Variants in CAMK2B observed in about 807,000 individuals in gnomAD.
CAMK2B encodes calcium/calmodulin dependent protein kinase II beta.
In CAMK2B, 27 loss-of-function variants were observed where a neutral mutation model predicts 93.7. The ratio of observed to expected loss-of-function variants is 0.29; its 90% CI spans 0.21 to 0.40. CAMK2B has a LOEUF of 0.40. Ranked by LOEUF, CAMK2B falls within the 10% of genes least tolerant of loss-of-function variation. CAMK2B has a pLI of 1.00. For missense variants in CAMK2B, 568 were observed against 895.8 expected, an observed-to-expected ratio of 0.63 and a Z score of 4.67; for synonymous variants, 374 against 358.8, an observed-to-expected ratio of 1.04 and a Z score of -0.48.
At chr7:44,237,928 T>G (rs1267325836) in intron 13 of CAMK2B, among the ~76,000 whole-genome samples, 1 of 152,198 alleles carries the variant, frequency 6.6e-6, no homozygotes, top group Non-Finnish European at 1.5e-5. Context: ...GGGTCTCCTA[T>G]GCCCTTACAC....
chr7:44,232,844 T>C lies in CAMK2B; in HGVS notation c.1154A>G (p.His385Arg), dbSNP rs1191559981. Residue 385 changes from histidine (H) to arginine (R), a missense_variant, in exon 16 of 24, where the codon CAT becomes CGT. This residue lies in a region of CAMK2B where 308 missense variants were observed against 292.1 expected (regional missense o/e 1.05). Transcript: ENST00000395749. ...AALEPQTTVI[H>R]NPVDGIKESS... ...TACCTTAATCCCGTCCACTGGGTTA[T>C]GGATGACGGTGGTTTGAGGCTCCTA... 2.4e-5 allele frequency: 39 copies of C among 1,613,812 alleles called. No individual in the cohort carries two copies. The highest frequency in any genetic ancestry group is 3.2e-5 in the Non-Finnish European group (38 of 1,179,940).
rs1258882969 is a variant in CAMK2B at position 44,219,191 on chromosome 7, G to A, written c.*334C>T. On this transcript the variant is annotated 3_prime_UTR_variant, in exon 24 of 24. Coordinates refer to ENST00000395749, the MANE Select transcript of CAMK2B (RefSeq NM_001220.5). ...TCCCAGCTGGTCCCCCAGAGGCCAG[G>A]AGCACAGACGGACACACGTGGAGCT... The A allele has an allele frequency of 1.3e-5, 2 of 152,152 alleles. No homozygotes were observed. Among genetic ancestry groups the A allele is most frequent in the Admixed American group, 1.3e-4 (2 of 15,276 alleles). The allele number at this position is 152,152 out of a possible 1,614,324, so 9.4% of individuals were successfully genotyped here.
intron 3 of CAMK2B, among the ~76,000 whole-genome samples, chr7:44,262,322 C>T (rs2096885491): frequency 6.6e-6 from 1 of 152,186 alleles, no homozygotes; most frequent in African/African-American, 2.4e-5. Context: ...GCTGCCGTCC[C>T]TAGGGCGTTT....
In CAMK2B at chr7:44,225,045, C is replaced by A. The variant is rs993436658; in HGVS notation, c.1597+1471G>T. On this transcript the variant is annotated intron_variant, in intron 20 of 23. Transcript: ENST00000395749. This position sits in a 1 kb window ranked among gnomAD's most constrained non-coding sequence, Gnocchi z 5.0. Reference sequence around the variant, plus strand: ...TTCCTGCAGCCCCCTCCTCCCCAGCCAAGCTCAGGGAAGACTCTGGAAGGG... The same window carrying A: ...TTCCTGCAGCCCCCTCCTCCCCAGCAAAGCTCAGGGAAGACTCTGGAAGGG... 6.6e-6 allele frequency among the ~76,000 whole-genome samples: 1 copy of A among 152,116 alleles called. No homozygotes were observed. The highest frequency in any genetic ancestry group is 2.4e-5 in the African/African-American group (1 of 41,414).
rs1444920002 is a variant in CAMK2B at position 44,311,263 on chromosome 7, A to T, written c.65+14094T>A. Reference sequence around the variant, plus strand: ...GCACATTTTTGTATTTTTAGTAGACATGGGGTTTCACCATGTTGGCCAGGC... The same window carrying T: ...GCACATTTTTGTATTTTTAGTAGACTTGGGGTTTCACCATGTTGGCCAGGC... On this transcript the variant is annotated intron_variant, in intron 1 of 23. Coordinates refer to ENST00000395749, the MANE Select transcript of CAMK2B (RefSeq NM_001220.5). This position sits in a 1 kb window ranked among gnomAD's most constrained non-coding sequence, Gnocchi z 4.2. 6.6e-6 allele frequency among the ~76,000 whole-genome samples: 1 copy of T among 152,204 alleles called. No homozygotes were observed. The highest frequency in any genetic ancestry group is 2.4e-5 in the African/African-American group (1 of 41,522).
At position 44,229,337 on chromosome 7, in the gene CAMK2B, T is replaced by G. The variant is rs1031898548; in HGVS notation, c.1339+51A>C. 59 of 1,302,040 alleles carry G rather than the reference T, an allele frequency of 4.5e-5. 1 individual carries two copies. The Admixed American group carries it at 1.3e-3, about 30-fold the overall frequency. 80.7% of individuals were successfully genotyped at this position (1,302,040 alleles called of 1,614,324 possible). A position where few individuals can be genotyped will look rare whatever the true frequency, so the allele number is the denominator to read the frequency against. On this transcript the variant is annotated intron_variant, in intron 18 of 23. Coordinates refer to ENST00000395749, the MANE Select transcript of CAMK2B (RefSeq NM_001220.5). Reference sequence around the variant, plus strand: ...GCTCTGGAGTGGCCCCTCTAGGGGGTTGCCAGCCCTCCAACATGACCCCCA... The same window carrying G: ...GCTCTGGAGTGGCCCCTCTAGGGGGGTGCCAGCCCTCCAACATGACCCCCA...
In CAMK2B at chr7:44,286,021, T is replaced by C. The variant is rs1489393357; in HGVS notation, c.66-1796A>G. 6.6e-6 allele frequency among the ~76,000 whole-genome samples: 1 copy of C among 152,134 alleles called. No homozygotes were observed. Among genetic ancestry groups the C allele is most frequent in the Non-Finnish European group, 1.5e-5 (1 of 68,010 alleles). On this transcript the variant is annotated intron_variant, in intron 1 of 23. Transcript: ENST00000395749. This position sits in a 1 kb window ranked among gnomAD's most constrained non-coding sequence, Gnocchi z 4.0. ...AGAAAGGATTATTATTTTTAACATA[T>C]GACATTAACTTGGGAGACTGAGGTG...
intron 5 of CAMK2B, among the ~76,000 whole-genome samples, chr7:44,249,761 A>C (rs1361171833): frequency 2.0e-5 from 3 of 152,094 alleles, no homozygotes; most frequent in Non-Finnish European, 4.4e-5. Context: ...AACCTTCCTC[A>C]TCGACCTTCT....
chr7:44,234,807 C>T, intron 13 of CAMK2B, 131 bp from the exon 14 acceptor site: 1 of 955,216 alleles, frequency 1.0e-6, no homozygotes, highest in Admixed American at 2.0e-5. Context: ...AGTGTGGTTC[C>T]AGCACCCAGG....
At chr7:44,291,706 G>C (rs1224163762) in intron 1 of CAMK2B, among the ~76,000 whole-genome samples, 1 of 152,228 alleles carries the variant, frequency 6.6e-6, no homozygotes, top group Admixed American at 6.5e-5. Context: ...ACTGATAGCT[G>C]GGTGCTTCCT....
chr7:44,256,241 C>T (rs746829518), intron 4 of CAMK2B, among the ~76,000 whole-genome samples: 1 of 152,242 alleles, frequency 6.6e-6, no homozygotes, highest in Non-Finnish European at 1.5e-5. Context: ...TGGCCGGGCT[C>T]CTGAGCTTGG....
chr7:44,318,183 T>C (rs1442821839), intron 1 of CAMK2B, among the ~76,000 whole-genome samples: 1 of 152,196 alleles, frequency 6.6e-6, no homozygotes, highest in Non-Finnish European at 1.5e-5. Flanking sequence ...CAAGAAGTCA[T>C]GTGAACAACC....
chr7:44,319,600 C>T (rs1337119798), intron 1 of CAMK2B, among the ~76,000 whole-genome samples: 1 of 152,186 alleles, frequency 6.6e-6, no homozygotes, highest in East Asian at 1.9e-4. Context: ...TTGCACCCAC[C>T]TCCACAGGCC....
At chr7:44,237,868 G>A (rs766781373) in intron 13 of CAMK2B, among the ~76,000 whole-genome samples, 3 of 152,170 alleles carry the variant, frequency 2.0e-5, no homozygotes, top group African/African-American at 2.4e-5. Flanking sequence ...GCCCATTCCC[G>A]GGTCTCCAGG....
rs1022275868 is a variant in CAMK2B, at chr7:44,234,742, A to C, written c.1022-66T>G. 1.5e-5 allele frequency: 23 copies of C among 1,533,594 alleles called. No individual in the cohort carries two copies. In the East Asian group the frequency reaches 2.7e-4, roughly 18 times the overall value. 95.0% of individuals were successfully genotyped at this position (1,533,594 alleles called of 1,614,324 possible). ...CTGGGTCTCGCTGCAGCGCAACCCC[A>C]CCCCTTTGCCTGACCCCACTCTTTC... On this transcript the variant is annotated intron_variant, in intron 13 of 23. Coordinates refer to ENST00000395749, the MANE Select transcript of CAMK2B (RefSeq NM_001220.5).
chr7:44,324,823 A>C (rs1234923628), intron 1 of CAMK2B, among the ~76,000 whole-genome samples: 1 of 152,144 alleles, frequency 6.6e-6, no homozygotes, highest in African/African-American at 2.4e-5. Flanking sequence ...CCTACAGCAG[A>C]GGCTCTCCCA....
At position 44,232,816 on chromosome 7, in the gene CAMK2B, C is replaced by T. The variant is rs537660982; in HGVS notation, c.1176+6G>A. On this transcript the variant is annotated splice_donor_region_variant and intron_variant, in intron 16 of 23. Coordinates refer to ENST00000395749, the MANE Select transcript of CAMK2B (RefSeq NM_001220.5). ...GGAAAGCGGGAGGAGGAAAGTGGGGCAGTACCTTAATCCCGTCCACTGGGT... is the reference window on the plus strand; with the variant it reads ...GGAAAGCGGGAGGAGGAAAGTGGGGTAGTACCTTAATCCCGTCCACTGGGT... 273 of 1,613,854 alleles carry T rather than the reference C, an allele frequency of 1.7e-4. No individual in the cohort carries two copies. The South Asian group carries it at 2.9e-3, about 17-fold the overall frequency.
chr7:44,303,009 A>G (rs1790503957), intron 1 of CAMK2B, among the ~76,000 whole-genome samples: 1 of 152,196 alleles, frequency 6.6e-6, no homozygotes, highest in Non-Finnish European at 1.5e-5. Flanking sequence ...AAAACCCCAA[A>G]GAATCAACAA....
chr7:44,247,030 C>T, intron 6 of CAMK2B, 90 bp downstream of exon 6: 2 of 1,033,186 alleles, frequency 1.9e-6, no homozygotes, highest in Non-Finnish European at 3.0e-6. Context: ...CTCCACAGTG[C>T]CACACACTGT....
Sources: gnomAD v4.1 joint callset for allele counts (sites outside exome capture counted in the v4.1 genomes callset) on GRCh38, gnomAD v4.1.1 for gene constraint, gnomAD v4.1.1 regional missense constraint, Gnocchi (gnomAD v3.1) non-coding constraint, MANE v1.5 for transcripts, NCBI Gene and HGNC (gene_info 2026-07-23, HGNC 2026-07-21) for gene names.